The following TBC1D16 variants were observed in gnomAD, a reference collection of about 807,000 sequenced individuals.
TBC1D16 encodes the protein CTD-2529O21.1.
In TBC1D16, 58 loss-of-function variants were observed where a neutral mutation model predicts 74.7. That is an observed-to-expected ratio of 0.78 (90% CI 0.63 to 0.97). The LOEUF (loss-of-function observed/expected upper bound fraction) is 0.97. TBC1D16 is among the 50% of genes least tolerant of loss of function. The pLI is 0.00. For synonymous variants in TBC1D16, 493 were observed against 474.7 expected, an observed-to-expected ratio of 1.04 and a Z score of -0.50; for missense variants, 1,014 against 1,079.5, an observed-to-expected ratio of 0.94 and a Z score of 0.85.
intron 1 of TBC1D16, among the ~76,000 whole-genome samples, chr17:80,016,408 G>T (rs936211658): frequency 1.3e-5 from 2 of 152,130 alleles, no homozygotes; most frequent in Non-Finnish European, 1.5e-5. Flanking sequence ...GGTTAAAGTG[G>T]TAAGTTTTAT....
chr17:79,974,147 T>C (rs1227948228), intron 3 of TBC1D16, among the ~76,000 whole-genome samples: 1 of 152,224 alleles, frequency 6.6e-6, no homozygotes, highest in Non-Finnish European at 1.5e-5. Context: ...GCTGGCGGGA[T>C]GGAGGGGGAG....
At chr17:80,019,903 G>A (rs2036228050) in intron 1 of TBC1D16, among the ~76,000 whole-genome samples, 1 of 149,876 alleles carries the variant, frequency 6.7e-6, no homozygotes. Flanking sequence ...TAGGGTTGAA[G>A]TACATCCCCT....
rs1381170499 is a variant in TBC1D16, at chr17:79,935,815, T to C, written c.*5044A>G. On this transcript the variant is annotated 3_prime_UTR_variant, in exon 12 of 12. Transcript: ENST00000310924. ...ACTTGCCATGGACATCAGTAATCTA[T>C]TGGTAATGGTGGAAATTTCATGAAA... 3.3e-5 allele frequency: 5 copies of C among 152,184 alleles called. No individual in the cohort carries two copies. Among genetic ancestry groups the C allele is most frequent in the African/African-American group, 9.7e-5 (4 of 41,424 alleles). The allele number at this position is 152,184 out of a possible 1,614,324, so 9.4% of individuals were successfully genotyped here.
At chr17:80,021,143 T>C (rs1184725397) in intron 1 of TBC1D16, among the ~76,000 whole-genome samples, 1 of 149,658 alleles carries the variant, frequency 6.7e-6, no homozygotes, top group Non-Finnish European at 1.5e-5. Context: ...TCCCAGCTAC[T>C]CGGGAGGCTG....
rs1568557115 is a variant in TBC1D16 at position 79,936,903 on chromosome 17, C to CCTGT, written c.*3955_*3956insACAG. The CCTGT allele has an allele frequency of 1.1e-5, 1 of 92,058 alleles. No homozygotes were observed. Among genetic ancestry groups the CCTGT allele is most frequent in the African/African-American group, 4.6e-5 (1 of 21,932 alleles). 5.7% of individuals were successfully genotyped at this position (92,058 alleles called of 1,614,324 possible). A position where few individuals can be genotyped will look rare whatever the true frequency, so the allele number is the denominator to read the frequency against. On this transcript the variant is annotated 3_prime_UTR_variant, in exon 12 of 12. Transcript: ENST00000310924. Reference sequence around the variant, plus strand: ...GTGTGTGTGCATGCGTGCGTGTGTGCATGTGCGTGTGTGTGTGTGTGTGTG... The same window carrying CCTGT: ...GTGTGTGTGCATGCGTGCGTGTGTGCCTGTATGTGCGTGTGTGTGTGTGTGTGTG...
intron 1 of TBC1D16, among the ~76,000 whole-genome samples, chr17:80,025,080 T>TGACACACAAACACAC (rs1568649770): frequency 0.84 from 25,075 of 29,732 alleles, 10,893 homozygotes; most frequent in Admixed American, 0.89. Flanking sequence ...CACACACACA[T>TGACACACAAACACAC]ACCATGACAC....
chr17:79,993,242 GTAA>G lies in TBC1D16; in HGVS notation c.779+16915_779+16917del, dbSNP rs1428351445. ...AGATCATCTCTGTCACCACCTGGGG[GTAA>G]TAAGGTCAGGGATATGCCCCAGGCC... On this transcript the variant is annotated intron_variant, in intron 3 of 11. Coordinates refer to ENST00000310924, the MANE Select transcript of TBC1D16 (RefSeq NM_019020.4). This position sits in a 1 kb window ranked among gnomAD's most constrained non-coding sequence, Gnocchi z 5.1. Among the ~76,000 whole-genome samples the G allele has an allele frequency of 6.6e-6, 1 of 152,232 alleles. No homozygotes were observed. Among genetic ancestry groups the G allele is most frequent in the Non-Finnish European group, 1.5e-5 (1 of 68,044 alleles).
At chr17:80,030,604 T>C (rs1012986989) in intron 1 of TBC1D16, among the ~76,000 whole-genome samples, 5 of 152,214 alleles carry the variant, frequency 3.3e-5, no homozygotes, top group Non-Finnish European at 7.3e-5. Context: ...CAGCCTCTTC[T>C]CTTGCTCACT....
rs1446098266 is a variant in TBC1D16 at position 79,938,137 on chromosome 17, C to T, written c.*2722G>A. Reference sequence around the variant, plus strand: ...AATAATCCCGGGGCAACAGCTGCCGCGGGGTTTTTGGCTGGTTTCCTCTAA... The same window carrying T: ...AATAATCCCGGGGCAACAGCTGCCGTGGGGTTTTTGGCTGGTTTCCTCTAA... On this transcript the variant is annotated 3_prime_UTR_variant, in exon 12 of 12. Coordinates refer to ENST00000310924, the MANE Select transcript of TBC1D16 (RefSeq NM_019020.4). 2 of 152,140 alleles carry T rather than the reference C, an allele frequency of 1.3e-5. No individual in the cohort carries two copies. Among genetic ancestry groups the T allele is most frequent in the East Asian group, 1.9e-4 (1 of 5,190 alleles). 9.4% of individuals were successfully genotyped at this position (152,140 alleles called of 1,614,324 possible). A position where few individuals can be genotyped will look rare whatever the true frequency, so the allele number is the denominator to read the frequency against.
chr17:79,988,578 G>A lies in TBC1D16; in HGVS notation c.779+21582C>T, dbSNP rs559237404. On this transcript the variant is annotated intron_variant, in intron 3 of 11. Transcript: ENST00000310924. The surrounding 1 kb of genome is among the most constrained non-coding windows in gnomAD (Gnocchi z 5.7). The stretch of plus-strand genomic sequence containing the variant: ...CAAGCCAGGGTCCTGGTGAACGCAC[G>A]TGCCTGCGTTCTGTACCAAACAGTT... 9.9e-5 allele frequency among the ~76,000 whole-genome samples: 15 copies of A among 152,236 alleles called. No homozygotes were observed. The highest frequency in any genetic ancestry group is 2.1e-4 in the South Asian group (1 of 4,830).
intron 1 of TBC1D16, among the ~76,000 whole-genome samples, chr17:80,016,319 A>C (rs1404852121): frequency 6.6e-6 from 1 of 152,048 alleles, no homozygotes; most frequent in Non-Finnish European, 1.5e-5. Context: ...GGGAGGATGA[A>C]AGCGTCCTGG....
Position 79,947,840 on chromosome 17 carries a change from C to A in TBC1D16, c.1542-9G>T, listed in dbSNP as rs202178515. On this transcript the variant is annotated splice_polypyrimidine_tract_variant and intron_variant, in intron 8 of 11. Coordinates refer to ENST00000310924, the MANE Select transcript of TBC1D16 (RefSeq NM_019020.4). ...AGTTCAGCAGGATCCTCCTGGGAGG[C>A]GGTGGAGACAGCAGTGGGTGGGGAT... 2 of 1,611,010 alleles carry A rather than the reference C, an allele frequency of 1.2e-6. No homozygotes were observed. Among genetic ancestry groups the A allele is most frequent in the South Asian group, 2.2e-5 (2 of 90,944 alleles).
At position 79,979,749 on chromosome 17, in the gene TBC1D16, C is replaced by G. The variant is rs2034499270; in HGVS notation, c.780-26931G>C. On this transcript the variant is annotated intron_variant, in intron 3 of 11. Coordinates refer to ENST00000310924, the MANE Select transcript of TBC1D16 (RefSeq NM_019020.4). This position sits in a 1 kb window ranked among gnomAD's most constrained non-coding sequence, Gnocchi z 4.8. The stretch of plus-strand genomic sequence containing the variant: ...ACTAGGAGCAGGAAAGGACCCTGGT[C>G]TCCCTTCACATCCACCAAAAGCTCA... 6.6e-6 allele frequency among the ~76,000 whole-genome samples: 1 copy of G among 151,850 alleles called. No homozygotes were observed. The highest frequency in any genetic ancestry group is 2.1e-4 in the South Asian group (1 of 4,806).
intron 3 of TBC1D16, chr17:79,992,465 T>G (rs556678087): frequency 1.3e-5 from 2 of 152,360 alleles, no homozygotes; most frequent in African/African-American, 4.8e-5. Context: ...TTGACACCCG[T>G]CCCGGCAGCC....
rs564054520 is a variant in TBC1D16, at chr17:79,981,130, C to T, written c.780-28312G>A. Among the ~76,000 whole-genome samples, 8 of 152,342 alleles carry T rather than the reference C, an allele frequency of 5.3e-5. No individual in the cohort carries two copies. Among genetic ancestry groups the T allele is most frequent in the Admixed American group, 4.6e-4 (7 of 15,310 alleles). ...ATCTAGCCCCTCGTGGCAGCAGTGA[C>T]GGAAGGACAGAACTTGTTTAGGCAT... On this transcript the variant is annotated intron_variant, in intron 3 of 11. Coordinates refer to ENST00000310924, the MANE Select transcript of TBC1D16 (RefSeq NM_019020.4). The surrounding 1 kb of genome is among the most constrained non-coding windows in gnomAD (Gnocchi z 6.9).
chr17:79,975,337 G>A lies in TBC1D16; in HGVS notation c.780-22519C>T, dbSNP rs1021464377. Among the ~76,000 whole-genome samples the A allele has an allele frequency of 7.2e-5, 11 of 152,160 alleles. No individual in the cohort carries two copies. Among genetic ancestry groups the A allele is most frequent in the Non-Finnish European group, 1.3e-4 (9 of 68,020 alleles). On this transcript the variant is annotated intron_variant, in intron 3 of 11. Coordinates refer to ENST00000310924, the MANE Select transcript of TBC1D16 (RefSeq NM_019020.4). The surrounding 1 kb of genome is among the most constrained non-coding windows in gnomAD (Gnocchi z 4.5). ...GCTTTGTACAGCCTGAGCTCTGGCC[G>A]ACTGGAATTTCTGCCAGGTCCTATT...
rs562906381 is a variant in TBC1D16 at position 80,007,519 on chromosome 17, G to A, written c.779+2641C>T. ...CATCTGCCTCCCAGCAGCTGGGGAC[G>A]GACAGGCGGACAGGGTGTCTCAGTG... On this transcript the variant is annotated intron_variant, in intron 3 of 11. Transcript: ENST00000310924. The surrounding 1 kb of genome is among the most constrained non-coding windows in gnomAD (Gnocchi z 4.5). Among the ~76,000 whole-genome samples, 259 of 152,316 alleles carry A rather than the reference G, an allele frequency of 1.7e-3. No homozygotes were observed. Among genetic ancestry groups the A allele is most frequent in the African/African-American group, 5.8e-3 (243 of 41,572 alleles).
intron 10 of TBC1D16, among the ~76,000 whole-genome samples, chr17:79,943,546 T>G (rs2032219591): frequency 6.6e-6 from 1 of 151,680 alleles, no homozygotes; most frequent in Non-Finnish European, 1.5e-5. Flanking sequence ...GAGCTCACTC[T>G]CAGCTCATCA....
In TBC1D16 at chr17:80,016,295, C is replaced by A. The variant is rs144862195; in HGVS notation, c.-62-2686G>T. On this transcript the variant is annotated intron_variant, in intron 1 of 11. Coordinates refer to ENST00000310924, the MANE Select transcript of TBC1D16 (RefSeq NM_019020.4). Reference sequence around the variant, plus strand: ...ATAGGGAGGTCATGTTTAAGGGGGACAGAGCTTCAGCTTGGGAGGATGAAA... The same window carrying A: ...ATAGGGAGGTCATGTTTAAGGGGGAAAGAGCTTCAGCTTGGGAGGATGAAA... 1.7e-4 allele frequency among the ~76,000 whole-genome samples: 26 copies of A among 151,978 alleles called. No homozygotes were observed. The East Asian group carries it at 4.8e-3, about 28-fold the overall frequency.
Sources: gnomAD v4.1 joint callset for allele counts (sites outside exome capture counted in the v4.1 genomes callset) on GRCh38, gnomAD v4.1.1 for gene constraint, Gnocchi (gnomAD v3.1) non-coding constraint, MANE v1.5 for transcripts, NCBI Gene and HGNC (gene_info 2026-07-23, HGNC 2026-07-21) for gene names.